MYO16: variants seen among roughly 807,000 people sequenced by gnomAD.
The protein encoded by MYO16 is unconventional myosin-XVI.
MYO16 carries 94 observed loss-of-function variants against 205.3 expected under a neutral mutation model. The observed-to-expected ratio is 0.46, with a 90% confidence interval of 0.39 to 0.54. The LOEUF (loss-of-function observed/expected upper bound fraction) is 0.54. Ranked by LOEUF, MYO16 falls within the 20% of genes least tolerant of loss-of-function variation. The pLI is 0.00. For synonymous variants in MYO16, 988 were observed against 954.0 expected, an observed-to-expected ratio of 1.04 and a Z score of -0.66; for missense variants, 2,315 against 2,387.5, an observed-to-expected ratio of 0.97 and a Z score of 0.63.
At chr13:109,101,220 CA>C in intron 28 of MYO16, 1 of 205,406 alleles carries the variant, frequency 4.9e-6, no homozygotes, top group Non-Finnish European at 1.0e-5. Context: ...TCAGAGGAGC[CA>C]AAATTGAAGA....
the MYO16 span, among the ~76,000 whole-genome samples, chr13:108,516,233 G>A: frequency 2.6e-5 from 4 of 151,736 alleles, no homozygotes; most frequent in Non-Finnish European, 5.9e-5. Context: ...GGAGTGACCC[G>A]ATTTTCCAGG....
intron 7 of MYO16, 38 bp downstream of exon 7, chr13:108,806,842 A>G: frequency 2.2e-6 from 3 of 1,335,412 alleles, no homozygotes; most frequent in Non-Finnish European, 3.0e-6. Context: ...AAATAATTTT[A>G]TATAATTAAT....
At chr13:108,860,496 A>T (rs75396007) in intron 11 of MYO16, among the ~76,000 whole-genome samples, 133 of 152,256 alleles carry the variant, frequency 8.7e-4, no homozygotes, top group African/African-American at 3.1e-3. Flanking sequence ...TTTATGGTAG[A>T]GTGATTTATA....
intron 24 of MYO16, among the ~76,000 whole-genome samples, chr13:109,047,232 A>C (rs1887075683): frequency 6.6e-6 from 1 of 152,176 alleles, no homozygotes. Context: ...TAGAAATGTA[A>C]AATACCCTTA....
chr13:109,027,033 A>G (rs1428088644), intron 23 of MYO16, among the ~76,000 whole-genome samples: 1 of 152,178 alleles, frequency 6.6e-6, no homozygotes, highest in Admixed American at 6.5e-5. Context: ...GCTTAAAACA[A>G]CAGATTTATT....
At chr13:109,065,333 A>G (rs1382626806) in intron 27 of MYO16, among the ~76,000 whole-genome samples, 1 of 152,134 alleles carries the variant, frequency 6.6e-6, no homozygotes, top group African/African-American at 2.4e-5. Context: ...ACAAGCTACT[A>G]TCCTTTAAAA....
chr13:108,979,426 T>A (rs1325242213), intron 20 of MYO16, among the ~76,000 whole-genome samples: 1 of 152,058 alleles, frequency 6.6e-6, no homozygotes, highest in Non-Finnish European at 1.5e-5. Context: ...AGAGATAAAA[T>A]AACAAGCAGT....
chr13:108,584,760 T>C, the MYO16 span, among the ~76,000 whole-genome samples: 1 of 152,208 alleles, frequency 6.6e-6, no homozygotes, highest in African/African-American at 2.4e-5. Flanking sequence ...ATCAGGTACA[T>C]GTCTGTTAGA....
chr13:108,785,689 G>A lies in MYO16; in HGVS notation c.562G>A (p.Ala188Thr), dbSNP rs372281790. ...GAATGGAAATATCCCATTAGATTAT[G>A]CTGTAGAAGGGACAGAATCCAGCTC... is the stretch of plus-strand genomic sequence containing the variant. ...DVNGNIPLDYAVEGTESSSIL... is the reference protein window; with the variant it reads ...DVNGNIPLDYTVEGTESSSIL... The change falls in exon 5 of 35, where the codon GCT (alanine) becomes ACT (threonine). Residue 188 changes from alanine (A) to threonine (T), a missense_variant. Around this residue, in one of 3 missense-constraint regions of MYO16, gnomAD observed 1,213 missense variants for 1,274.4 expected, o/e 0.95. Coordinates refer to ENST00000457511, the MANE Select transcript of MYO16 (RefSeq NM_001198950.3). The A allele has an allele frequency of 3.1e-6, 5 of 1,613,512 alleles. No homozygotes were observed. The African/African-American group carries it at 6.7e-5, about 22-fold the overall frequency.
At chr13:108,953,828 A>G (rs1883246201) in intron 16 of MYO16, among the ~76,000 whole-genome samples, 1 of 152,182 alleles carries the variant, frequency 6.6e-6, no homozygotes, top group African/African-American at 2.4e-5. Context: ...GCTTTTGAAT[A>G]GTGGGAGAAG....
intron 16 of MYO16, among the ~76,000 whole-genome samples, chr13:108,926,239 C>T (rs556179967): frequency 2.6e-5 from 4 of 152,270 alleles, no homozygotes; most frequent in African/African-American, 4.8e-5. Context: ...GCTGCAGAGG[C>T]GACCAATACC....
At chr13:108,639,421 C>T (rs7984431) in intron 1 of MYO16, among the ~76,000 whole-genome samples, 19,611 of 152,144 alleles carry the variant, frequency 0.13, 1,738 homozygotes, top group South Asian at 0.25. Flanking sequence ...GGAAAATCTA[C>T]CAGGCTGTGC....
chr13:108,717,576 G>A (rs1376469283), intron 3 of MYO16, among the ~76,000 whole-genome samples: 1 of 143,442 alleles, frequency 7.0e-6, no homozygotes, highest in Non-Finnish European at 1.5e-5. Context: ...CTTGCAGTGA[G>A]CTGAGATCAC....
At chr13:109,091,163 C>T (rs995681447) in intron 27 of MYO16, among the ~76,000 whole-genome samples, 2 of 152,128 alleles carry the variant, frequency 1.3e-5, no homozygotes, top group South Asian at 2.1e-4. Context: ...CAGACAGCCA[C>T]GTTTTTGGTG....
At position 109,140,971 on chromosome 13, in the gene MYO16, G is replaced by T. The variant is rs757516424; in HGVS notation, c.4759G>T (p.Gly1587Cys). ...SPGLALFNGS[G>C]RASPPSTPPP... Reference sequence around the variant, plus strand: ...CGGCCTGGCGCTGTTCAACGGGTCCGGCCGAGCCTCCCCGCCGTCCACGCC... The same window carrying T: ...CGGCCTGGCGCTGTTCAACGGGTCCTGCCGAGCCTCCCCGCCGTCCACGCC... The change falls in exon 32 of 35, where the codon GGC (glycine) becomes TGC (cysteine). Residue 1587 changes from glycine (G) to cysteine (C), a missense_variant. By Grantham distance (159) the Gly-to-Cys change is radical. Coordinates refer to ENST00000457511, the MANE Select transcript of MYO16 (RefSeq NM_001198950.3). This position sits in a 1 kb window ranked among gnomAD's most constrained non-coding sequence, Gnocchi z 8.0. 14 of 1,440,574 alleles carry T rather than the reference G, an allele frequency of 9.7e-6. No homozygotes were observed. The highest frequency in any genetic ancestry group is 1.5e-5 in the African/African-American group (1 of 67,690). The allele number at this position is 1,440,574 out of a possible 1,614,324, so 89.2% of individuals were successfully genotyped here.
intron 21 of MYO16, among the ~76,000 whole-genome samples, chr13:109,008,545 A>G (rs1216895900): frequency 3.1e-4 from 33 of 108,082 alleles, no homozygotes; most frequent in Non-Finnish European, 4.2e-4. Flanking sequence ...CTACTGTACT[A>G]TCTTGTGTAT....
At chr13:108,880,862 A>T (rs1436453610) in intron 12 of MYO16, among the ~76,000 whole-genome samples, 1 of 152,170 alleles carries the variant, frequency 6.6e-6, no homozygotes, top group Non-Finnish European at 1.5e-5. Flanking sequence ...TCTTGGTTCC[A>T]TATGAACTTT....
chr13:108,717,087 T>A (rs528870819), intron 3 of MYO16, among the ~76,000 whole-genome samples: 5 of 151,808 alleles, frequency 3.3e-5, no homozygotes, highest in African/African-American at 7.2e-5. Context: ...AAAAAAAAAA[T>A]TATGTTTATG....
chr13:108,648,540 G>T (rs559193716), intron 1 of MYO16, among the ~76,000 whole-genome samples: 1 of 151,806 alleles, frequency 6.6e-6, no homozygotes, highest in Admixed American at 6.6e-5. Context: ...GAAGCTTTCT[G>T]ATATCAGAAA....
Sources: gnomAD v4.1 joint callset for allele counts (sites outside exome capture counted in the v4.1 genomes callset) on GRCh38, gnomAD v4.1.1 for gene constraint, gnomAD v4.1.1 regional missense constraint, Gnocchi (gnomAD v3.1) non-coding constraint, MANE v1.5 for transcripts, NCBI Gene and HGNC (gene_info 2026-07-23, HGNC 2026-07-21) for gene names.